Variants in ANK2 observed in about 807,000 individuals in gnomAD.
ANK2 encodes the protein ankyrin 2.
In ANK2, 83 loss-of-function variants were observed where a neutral mutation model predicts 360.5. The ratio of observed to expected loss-of-function variants is 0.23; its 90% confidence interval spans 0.19 to 0.28. The LOEUF (loss-of-function observed/expected upper bound fraction) is 0.28. Ranked by LOEUF, ANK2 falls within the 10% of genes least tolerant of loss-of-function variation. The probability of loss-of-function intolerance (pLI) is 1.00; values close to 1 mark genes in which losing one functional copy is unlikely to be tolerated. For missense variants in ANK2, 4,201 were observed against 4,795.7 expected (o/e 0.88, Z 3.66); for synonymous variants, 1,740 against 1,759.5 (o/e 0.99, Z 0.28).
intron 2 of ANK2, among the ~76,000 whole-genome samples, chr4:113,186,589 C>A (rs888928120): frequency 3.4e-5 from 4 of 116,622 alleles, no homozygotes; most frequent in Non-Finnish European, 5.1e-5. Context: ...TCTCTCTCTT[C>A]TCTCTCTCTC....
At chr4:112,839,492 C>G (rs1203062360) in intron 1 of ANK2, among the ~76,000 whole-genome samples, 1 of 152,102 alleles carries the variant, frequency 6.6e-6, no homozygotes, top group African/African-American at 2.4e-5. Context: ...TGTGCTGAGT[C>G]TTTAAAGAGT....
chr4:113,355,835 C>T lies in ANK2; in HGVS notation c.7217C>T (p.Pro2406Leu). 1.2e-6 allele frequency: 2 copies of T among 1,614,034 alleles called. No homozygotes were observed. Among genetic ancestry groups the T allele is most frequent in the Non-Finnish European group, 1.7e-6 (2 of 1,179,956 alleles). Residue 2406 changes from proline to leucine, a missense_variant, in exon 38 of 46, where the codon CCC becomes CTC. Pro to Leu is a moderately conservative substitution (Grantham distance 98). Transcript: ENST00000357077. ...AAACCTCAGGGAGTCATTAGAAGTCCCCAAGGGTTAGAACTTGCACTCCCT... is the reference window on the plus strand; with the variant it reads ...AAACCTCAGGGAGTCATTAGAAGTCTCCAAGGGTTAGAACTTGCACTCCCT... ...ESKPQGVIRSPQGLELALPSR... is the reference protein window; with the variant it reads ...ESKPQGVIRSLQGLELALPSR...
In ANK2 at chr4:113,354,807, A is replaced by G; in HGVS notation, c.6189A>G (p.Glu2063=). 6.2e-7 allele frequency: 1 copy of G among 1,614,168 alleles called. No individual in the cohort carries two copies. Among genetic ancestry groups the G allele is most frequent in the East Asian group, 2.2e-5 (1 of 44,876 alleles). Residue 2063 remains glutamate, a synonymous_variant, in exon 38 of 46, where the codon GAA becomes GAG. Coordinates refer to ENST00000357077, the MANE Select transcript of ANK2 (RefSeq NM_001148.6). Reference sequence around the variant, plus strand: ...GACTCCCGGTAACGGGCACAGCAGAATCCAAAAGAGGAGTTCGTGTTTCCT... The same window carrying G: ...GACTCCCGGTAACGGGCACAGCAGAGTCCAAAAGAGGAGTTCGTGTTTCCT... ...GQRLPVTGTA[E]SKRGVRVSSI... is the part of the protein sequence containing the mutation.
At chr4:113,346,129 C>T in intron 35 of ANK2, 107 bp downstream of exon 35, 1 of 1,289,786 alleles carries the variant, frequency 7.8e-7, no homozygotes, top group South Asian at 1.2e-5. Context: ...ATTGCTTTTG[C>T]ACTGACCTAA....
chr4:113,278,609 A>C, intron 17 of ANK2, 51 bp downstream of exon 17: 1 of 1,543,006 alleles, frequency 6.5e-7, no homozygotes, highest in Non-Finnish European at 9.0e-7. Flanking sequence ...CTATCGCCTG[A>C]AAACACATGA....
chr4:113,103,279 G>A (rs1368576936), intron 1 of ANK2, among the ~76,000 whole-genome samples: 1 of 152,030 alleles, frequency 6.6e-6, no homozygotes, highest in Non-Finnish European at 1.5e-5. Context: ...GACTTGAAAC[G>A]TTTCATCCTC....
At chr4:112,790,708 G>A in the ANK2 span, among the ~76,000 whole-genome samples, 1 of 151,954 alleles carries the variant, frequency 6.6e-6, no homozygotes, top group African/African-American at 2.4e-5. Context: ...GGCTGGTCTC[G>A]AACTCCTGGA....
intron 2 of ANK2, among the ~76,000 whole-genome samples, chr4:112,914,169 T>C (rs1425831581): frequency 1.3e-5 from 2 of 152,236 alleles, no homozygotes; most frequent in Non-Finnish European, 2.9e-5. Context: ...CTCATGCTTT[T>C]AATCATGAAG....
At chr4:113,276,160 C>T (rs1355790770) in intron 15 of ANK2, among the ~76,000 whole-genome samples, 1 of 151,998 alleles carries the variant, frequency 6.6e-6, no homozygotes, top group Non-Finnish European at 1.5e-5. Context: ...CCAGGATGGA[C>T]TCGATCTCCT....
chr4:113,251,958 G>C (rs1380263265), intron 10 of ANK2, among the ~76,000 whole-genome samples: 1 of 152,144 alleles, frequency 6.6e-6, no homozygotes, highest in East Asian at 1.9e-4. Flanking sequence ...CCTAATGCTA[G>C]ACTATTCTCC....
chr4:113,190,642 T>G (rs952655054), intron 2 of ANK2, among the ~76,000 whole-genome samples: 2 of 152,144 alleles, frequency 1.3e-5, no homozygotes, highest in Non-Finnish European at 2.9e-5. Flanking sequence ...CATTGGTTTT[T>G]GTGTTACGGA....
rs1474824222 is a variant in ANK2 at position 113,359,100 on chromosome 4, G to A, written c.10482G>A (p.Gln3494=). ...CCAAATTAGTGGATAGGCTGACACA[G>A]TCAGAGAGGGAGCAGGAAATAGTTT... ...EASKLVDRLT[Q]SEREQEIVSD... The change falls in exon 38 of 46, where the codon CAG becomes CAA. Residue 3494 remains glutamine, a synonymous_variant. Coordinates refer to ENST00000357077, the MANE Select transcript of ANK2 (RefSeq NM_001148.6). The A allele has an allele frequency of 6.2e-7, 1 of 1,614,060 alleles. No homozygotes were observed. The highest frequency in any genetic ancestry group is 1.1e-5 in the South Asian group (1 of 91,082).
the ANK2 span, among the ~76,000 whole-genome samples, chr4:112,707,937 T>G: frequency 6.6e-6 from 1 of 152,228 alleles, no homozygotes; most frequent in Non-Finnish European, 1.5e-5. Flanking sequence ...TGTCCTCTGT[T>G]CAGGCTTTCA....
intron 33 of ANK2, among the ~76,000 whole-genome samples, chr4:113,342,715 T>A (rs2094438833): frequency 6.6e-6 from 1 of 150,580 alleles, no homozygotes; most frequent in African/African-American, 2.5e-5. Flanking sequence ...AAAAAAAAAA[T>A]TACCCAAGCA....
At chr4:113,322,814 A>G (rs890277230) in intron 26 of ANK2, among the ~76,000 whole-genome samples, 8 of 152,236 alleles carry the variant, frequency 5.3e-5, no homozygotes, top group Non-Finnish European at 1.0e-4. Flanking sequence ...TTGAAATGCA[A>G]GGAAGTCAAG....
chr4:112,816,744 C>A (rs939642002), upstream of ANK2, among the ~76,000 whole-genome samples: 2 of 152,234 alleles, frequency 1.3e-5, no homozygotes, highest in African/African-American at 4.8e-5. Flanking sequence ...GGCACAGTGG[C>A]TCACGCCTGT....
chr4:113,361,004 A>G (rs2096183485), intron 39 of ANK2, 107 bp downstream of exon 39: 2 of 1,021,966 alleles, frequency 2.0e-6, no homozygotes, highest in African/African-American at 1.6e-5. Context: ...GAAAGAATAC[A>G]TGAAAAGAAG....
rs139442506 is a variant in ANK2, at chr4:113,051,579, A to C, written c.84+1767A>C. ...CAGAGCACCATGAATATTGAGTGTT[A>C]AAAGGAGTTTCACCTAAAAGAAATT... On this transcript the variant is annotated intron_variant, in intron 1 of 45. Coordinates refer to ENST00000357077, the MANE Select transcript of ANK2 (RefSeq NM_001148.6). Among the ~76,000 whole-genome samples, 4 of 152,328 alleles carry C rather than the reference A, an allele frequency of 2.6e-5. No individual in the cohort carries two copies. In the East Asian group the frequency reaches 7.7e-4, roughly 29 times the overall value.
intron 10 of ANK2, among the ~76,000 whole-genome samples, chr4:113,253,244 G>T (rs2047435740): frequency 6.6e-6 from 1 of 152,084 alleles, no homozygotes; most frequent in African/African-American, 2.4e-5. Flanking sequence ...TTTCCTAGCT[G>T]CCACTTCTCA....
Sources: gnomAD v4.1 joint callset for allele counts (sites outside exome capture counted in the v4.1 genomes callset) on GRCh38, gnomAD v4.1.1 for gene constraint, MANE v1.5 for transcripts, NCBI Gene and HGNC (gene_info 2026-07-23, HGNC 2026-07-21) for gene names.